MYO1D: variants seen among roughly 807,000 people sequenced by gnomAD.
MYO1D encodes unconventional myosin-Id.
In MYO1D, 83 loss-of-function variants were observed where a neutral mutation model predicts 122.0. The observed-to-expected ratio is 0.68, with a 90% CI of 0.57 to 0.82. MYO1D has a LOEUF of 0.82. MYO1D is among the 40% of genes least tolerant of loss of function. The pLI is 0.00. For synonymous variants in MYO1D, 464 were observed against 446.9 expected (o/e 1.04, Z -0.48); for missense variants, 1,157 against 1,269.5 (o/e 0.91, Z 1.35).
rs576499828 is a variant in MYO1D at position 32,662,316 on chromosome 17, G to C, written c.2122-2978C>G. Among the ~76,000 whole-genome samples the C allele has an allele frequency of 5.3e-5, 8 of 152,324 alleles. No individual in the cohort carries two copies. The East Asian group carries it at 1.5e-3, about 29-fold the overall frequency. On this transcript the variant is annotated intron_variant, in intron 16 of 21. Transcript: ENST00000318217. Reference sequence around the variant, plus strand: ...GTTGTCTGTTTCTTGAGTTATAAAAGCAGAGTAGTTGAGAACAAGCTCTGG... The same window carrying C: ...GTTGTCTGTTTCTTGAGTTATAAAACCAGAGTAGTTGAGAACAAGCTCTGG...
intron 1 of MYO1D, among the ~76,000 whole-genome samples, chr17:32,818,833 T>C (rs897032188): frequency 2.0e-5 from 3 of 152,230 alleles, no homozygotes; most frequent in Admixed American, 2.0e-4. Flanking sequence ...TTGGATGTAA[T>C]GGGCCTGGAA....
intron 20 of MYO1D, chr17:32,632,574 TATATATATATATACAC>T (rs1040126866): frequency 2.1e-4 from 23 of 111,542 alleles, no homozygotes; most frequent in African/African-American, 9.4e-4. Context: ...TATATATATA[TATATATATATATACAC>T]ACACACACAC....
In MYO1D at chr17:32,780,585, C is replaced by T. The variant is rs766109370; in HGVS notation, c.295G>A (p.Val99Met). The T allele has an allele frequency of 1.1e-5, 17 of 1,613,840 alleles. No individual in the cohort carries two copies. The Admixed American group carries it at 2.8e-4, about 27-fold the overall frequency. Residue 99 changes from valine to methionine, a missense_variant, in exon 2 of 22, where the codon GTG becomes ATG. Physicochemically the swap from Val to Met is conservative, Grantham distance 21 (BLOSUM62 1). Transcript: ENST00000318217. ...MKRRSKDTCIVISGESGAGKT... is the reference protein window; with the variant it reads ...MKRRSKDTCIMISGESGAGKT... ...GATCCCCTCCAATTACCTGATATCA[C>T]AATACAAGTGTCTTTTGATCGCCTC...
chr17:32,755,815 C>T (rs1422830431), intron 10 of MYO1D, 153 bp from the exon 11 acceptor site: 1 of 566,772 alleles, frequency 1.8e-6, no homozygotes, highest in Non-Finnish European at 3.0e-6. Flanking sequence ...AAAAAGAGTA[C>T]ACATTCTAAC....
rs1597919643 is a variant in MYO1D, at chr17:32,597,580, G to T, written c.2864+7507C>A. On this transcript the variant is annotated intron_variant, in intron 21 of 21. Coordinates refer to ENST00000318217, the MANE Select transcript of MYO1D (RefSeq NM_015194.3). ...ATATAGTTATCCAGTGATAGATACG[G>T]ATATCTTCCGGTTTAACTTCTTGCC... is the stretch of plus-strand genomic sequence containing the variant. Among the ~76,000 whole-genome samples, 3 of 152,202 alleles carry T rather than the reference G, an allele frequency of 2.0e-5. No individual in the cohort carries two copies. In the South Asian group the frequency reaches 6.2e-4, roughly 32 times the overall value.
intron 16 of MYO1D, among the ~76,000 whole-genome samples, chr17:32,668,705 CTTTTTTT>C (rs528450969): frequency 7.0e-6 from 1 of 141,866 alleles, no homozygotes; most frequent in East Asian, 2.0e-4. Context: ...ATTTCTTTTT[CTTTTTTT>C]TTTTTTTGAG....
At chr17:32,718,541 T>C (rs888324450) in intron 15 of MYO1D, among the ~76,000 whole-genome samples, 1 of 151,380 alleles carries the variant, frequency 6.6e-6, no homozygotes, top group Non-Finnish European at 1.5e-5. Context: ...CTATTAAAAA[T>C]GAAAAAAAAA....
intron 21 of MYO1D, among the ~76,000 whole-genome samples, chr17:32,539,204 G>C (rs1173917419): frequency 6.6e-6 from 1 of 151,676 alleles, no homozygotes; most frequent in African/African-American, 2.4e-5. Flanking sequence ...CACTTTGGGA[G>C]GCCGAGGCAG....
In MYO1D at chr17:32,834,881, G is replaced by A. The variant is rs192173464; in HGVS notation, c.95+41897C>T. Among the ~76,000 whole-genome samples the A allele has an allele frequency of 1.2e-3, 186 of 152,254 alleles. 2 individuals carry two copies. The highest frequency in any genetic ancestry group is 4.2e-3 in the African/African-American group (173 of 41,546). On this transcript the variant is annotated intron_variant, in intron 1 of 21. Transcript: ENST00000318217. The stretch of plus-strand genomic sequence containing the variant: ...ACAAAAATTAGCCAGGCATGGTGGT[G>A]CGCCCCTGTAGTCCCAGCTACTCGG...
chr17:32,568,975 T>A (rs2150894556), intron 21 of MYO1D, among the ~76,000 whole-genome samples: 1 of 152,238 alleles, frequency 6.6e-6, no homozygotes, highest in East Asian at 1.9e-4. Context: ...TTGGGGGGTT[T>A]AAGTCATCCT....
intron 1 of MYO1D, among the ~76,000 whole-genome samples, chr17:32,865,371 ATT>A (rs142771174): frequency 6.6e-6 from 1 of 151,366 alleles, no homozygotes; most frequent in African/African-American, 2.4e-5. Flanking sequence ...AGATTAAGCC[ATT>A]TTTTTTTGAC....
chr17:32,741,380 T>C (rs2089770683), intron 13 of MYO1D, among the ~76,000 whole-genome samples: 1 of 150,014 alleles, frequency 6.7e-6, no homozygotes, highest in South Asian at 2.1e-4. Flanking sequence ...GATGGTTTTA[T>C]CCAAAAAAAA....
At chr17:32,866,451 G>A (rs1247329557) in intron 1 of MYO1D, among the ~76,000 whole-genome samples, 1 of 152,116 alleles carries the variant, frequency 6.6e-6, no homozygotes, top group Non-Finnish European at 1.5e-5. Context: ...TCCCACAAGG[G>A]TTCAGTTCTC....
chr17:32,544,392 T>C (rs1164009100), intron 21 of MYO1D, among the ~76,000 whole-genome samples: 3 of 152,198 alleles, frequency 2.0e-5, no homozygotes, highest in East Asian at 3.8e-4. Context: ...TGAGCCACTG[T>C]GCCCAGCCTA....
At chr17:32,600,011 G>C (rs1355448571) in intron 21 of MYO1D, among the ~76,000 whole-genome samples, 1 of 152,072 alleles carries the variant, frequency 6.6e-6, no homozygotes, top group East Asian at 1.9e-4. Flanking sequence ...TTTATCCACG[G>C]GCTGCACAAT....
At chr17:32,645,545 A>T (rs538427217) in intron 19 of MYO1D, among the ~76,000 whole-genome samples, 12 of 152,302 alleles carry the variant, frequency 7.9e-5, no homozygotes, top group African/African-American at 2.4e-4. Context: ...TGCACCAATC[A>T]GACGGAGATT....
chr17:32,514,764 T>A (rs1046730449), intron 21 of MYO1D, among the ~76,000 whole-genome samples: 2 of 152,196 alleles, frequency 1.3e-5, no homozygotes, highest in African/African-American at 4.8e-5. Flanking sequence ...TTATAACACA[T>A]CCGGGAGTCA....
intron 21 of MYO1D, among the ~76,000 whole-genome samples, chr17:32,581,545 C>G (rs1282367367): frequency 6.6e-6 from 1 of 151,136 alleles, no homozygotes; most frequent in Non-Finnish European, 1.5e-5. Flanking sequence ...TCCTCTCTCT[C>G]TCTCTCTTTC....
Position 32,609,768 on chromosome 17 carries a change from T to C in MYO1D, c.2710-4527A>G, listed in dbSNP as rs150457910. Among the ~76,000 whole-genome samples, 362 of 152,262 alleles carry C rather than the reference T, an allele frequency of 2.4e-3. 5 individuals are homozygous for C. Among genetic ancestry groups the C allele is most frequent in the African/African-American group, 8.4e-3 (347 of 41,556 alleles). The stretch of plus-strand genomic sequence containing the variant: ...TTTTAAAGAATGCCAGGGTCAGGGC[T>C]TAATGGAGAGAAGGGAAAATATTAA... On this transcript the variant is annotated intron_variant, in intron 20 of 21. Coordinates refer to ENST00000318217, the MANE Select transcript of MYO1D (RefSeq NM_015194.3).
Sources: gnomAD v4.1 joint callset for allele counts (sites outside exome capture counted in the v4.1 genomes callset) on GRCh38, gnomAD v4.1.1 for gene constraint, MANE v1.5 for transcripts, NCBI Gene and HGNC (gene_info 2026-07-23, HGNC 2026-07-21) for gene names.